RASGRP1: variants seen among roughly 807,000 people sequenced by gnomAD.
RASGRP1 encodes RAS guanyl-releasing protein 1.
In RASGRP1, 37 loss-of-function variants were observed where a neutral mutation model predicts 95.1. That is an observed-to-expected ratio of 0.39 (90% CI 0.30 to 0.51). The LOEUF is 0.51. RASGRP1 is among the 20% of genes least tolerant of loss of function. The pLI, the probability that RASGRP1 is intolerant of heterozygous loss-of-function variation, is 0.80. For missense variants in RASGRP1, 711 were observed against 965.4 expected, an observed-to-expected ratio of 0.74 and a Z score of 3.49; for synonymous variants, 325 against 353.4, an observed-to-expected ratio of 0.92 and a Z score of 0.90.
At chr15:38,505,221 C>G (rs976946843) in intron 10 of RASGRP1, among the ~76,000 whole-genome samples, 4 of 151,358 alleles carry the variant, frequency 2.6e-5, no homozygotes, top group Admixed American at 2.6e-4. Flanking sequence ...TTTTACTTGC[C>G]TGTGGGAGGG....
intron 3 of RASGRP1, among the ~76,000 whole-genome samples, chr15:38,523,475 AAATT>A (rs1892075635): frequency 6.6e-6 from 1 of 152,240 alleles, no homozygotes; most frequent in Admixed American, 6.5e-5. Flanking sequence ...AAAGTTTTAA[AAATT>A]AAGTTTATAA....
At position 38,564,808 on chromosome 15, in the gene RASGRP1, C is replaced by G; in HGVS notation, c.-180G>C. On this transcript the variant is annotated 5_prime_UTR_variant, in exon 1 of 17. Coordinates refer to ENST00000310803, the MANE Select transcript of RASGRP1 (RefSeq NM_005739.4). ...GTGCACCGCAGGCACAAACTTTGTGCGAGCGCGCCCCCTCTGCCTCGCGCG... is the reference window on the plus strand; with the variant it reads ...GTGCACCGCAGGCACAAACTTTGTGGGAGCGCGCCCCCTCTGCCTCGCGCG... 1 of 347,914 alleles carries G rather than the reference C, an allele frequency of 2.9e-6. No homozygotes were observed. 21.6% of individuals were successfully genotyped at this position (347,914 alleles called of 1,614,324 possible). A position where few individuals can be genotyped will look rare whatever the true frequency, so the allele number is the denominator to read the frequency against.
chr15:38,490,323 T>C lies in RASGRP1; in HGVS notation c.*231A>G. 2.7e-6 allele frequency: 1 copy of C among 364,466 alleles called. No homozygotes were observed. The highest frequency in any genetic ancestry group is 4.8e-6 in the Non-Finnish European group (1 of 206,762). The allele number at this position is 364,466 out of a possible 1,614,324, so 22.6% of individuals were successfully genotyped here. ...ATACTTTTGATGAACATCAGTGGTA[T>C]GAATAGCAAAAGTTTTGCATTCTTT... is the stretch of plus-strand genomic sequence containing the variant. On this transcript the variant is annotated 3_prime_UTR_variant, in exon 17 of 17. Coordinates refer to ENST00000310803, the MANE Select transcript of RASGRP1 (RefSeq NM_005739.4).
At chr15:38,525,827 A>G (rs1892198868) in intron 3 of RASGRP1, among the ~76,000 whole-genome samples, 1 of 152,162 alleles carries the variant, frequency 6.6e-6, no homozygotes, top group Non-Finnish European at 1.5e-5. Flanking sequence ...CTTGGCACAT[A>G]GTCAGTCCTC....
chr15:38,518,954 G>A (rs1891893085), intron 4 of RASGRP1, among the ~76,000 whole-genome samples: 1 of 151,968 alleles, frequency 6.6e-6, no homozygotes, highest in Non-Finnish European at 1.5e-5. Context: ...ACCAAAATAG[G>A]TAACTGGATA....
At chr15:38,516,509 C>A (rs1471144409) in intron 5 of RASGRP1, among the ~76,000 whole-genome samples, 159 bp from the exon 6 acceptor site, 6 of 152,138 alleles carry the variant, frequency 3.9e-5, no homozygotes, top group African/African-American at 1.4e-4. Flanking sequence ...TTCTCCAAAT[C>A]AGTTTTTTTC....
At chr15:38,547,939 C>A (rs1373020153) in intron 2 of RASGRP1, among the ~76,000 whole-genome samples, 1 of 151,256 alleles carries the variant, frequency 6.6e-6, no homozygotes, top group Non-Finnish European at 1.5e-5. Flanking sequence ...CAACTCCCGC[C>A]TCTGACAGTA....
Position 38,498,718 on chromosome 15 carries a change from A to C in RASGRP1, c.1873+76T>G. On this transcript the variant is annotated intron_variant, in intron 15 of 16. Coordinates refer to ENST00000310803, the MANE Select transcript of RASGRP1 (RefSeq NM_005739.4). Reference sequence around the variant, plus strand: ...ATTTAAACTCAAACACAGAGTCATGAGGTAATCTTTCCGTCTCTAAAACTT... The same window carrying C: ...ATTTAAACTCAAACACAGAGTCATGCGGTAATCTTTCCGTCTCTAAAACTT... 4 of 1,531,120 alleles carry C rather than the reference A, an allele frequency of 2.6e-6. No individual in the cohort carries two copies. In the South Asian group the frequency reaches 4.9e-5, roughly 19 times the overall value. The allele number at this position is 1,531,120 out of a possible 1,614,324, so 94.8% of individuals were successfully genotyped here.
At chr15:38,491,019 T>G (rs1890556524) in intron 16 of RASGRP1, among the ~76,000 whole-genome samples, 1 of 152,212 alleles carries the variant, frequency 6.6e-6, no homozygotes, top group Non-Finnish European at 1.5e-5. Context: ...CAGTCTCTGG[T>G]CAGGTCTGAG....
At chr15:38,538,982 T>G (rs1026180139) in intron 2 of RASGRP1, among the ~76,000 whole-genome samples, 1 of 152,194 alleles carries the variant, frequency 6.6e-6, no homozygotes, top group African/African-American at 2.4e-5. Flanking sequence ...ATTAGCGTTT[T>G]ATGAATGACC....
chr15:38,564,761 G>C lies in RASGRP1; in HGVS notation c.-133C>G. On this transcript the variant is annotated 5_prime_UTR_variant, in exon 1 of 17. Transcript: ENST00000310803. ...GTAGCCCCGGCGCCCGCCAGCCCTC[G>C]AGCCCGGCGAGCCCGACCGAGGTGC... 4 of 670,240 alleles carry C rather than the reference G, an allele frequency of 6.0e-6. No homozygotes were observed. The highest frequency in any genetic ancestry group is 7.8e-6 in the Non-Finnish European group (4 of 511,078). The allele number at this position is 670,240 out of a possible 1,614,324, so 41.5% of individuals were successfully genotyped here.
chr15:38,559,214 G>T (rs1893705283), intron 2 of RASGRP1, among the ~76,000 whole-genome samples: 1 of 152,252 alleles, frequency 6.6e-6, no homozygotes, highest in East Asian at 1.9e-4. Context: ...GCTGCACTAA[G>T]CTGTGCCTCC....
chr15:38,557,629 G>GTATATA (rs1555405016), intron 2 of RASGRP1, among the ~76,000 whole-genome samples: 2,075 of 147,392 alleles, frequency 0.014, 48 homozygotes, highest in African/African-American at 0.05. Flanking sequence ...GTGTGTGTGT[G>GTATATA]TATATATATA....
chr15:38,534,431 A>G (rs1005806537), intron 2 of RASGRP1: 24 of 152,320 alleles, frequency 1.6e-4, no homozygotes, highest in African/African-American at 5.8e-4. Context: ...ATTTCTTGTC[A>G]TATTATGGTG....
chr15:38,537,088 G>C (rs1183867167), intron 2 of RASGRP1, among the ~76,000 whole-genome samples: 1 of 151,292 alleles, frequency 6.6e-6, no homozygotes, highest in East Asian at 1.9e-4. Context: ...ATTCCAGACT[G>C]GAACCATGAT....
intron 15 of RASGRP1, among the ~76,000 whole-genome samples, chr15:38,495,738 T>C (rs1456698333): frequency 6.6e-6 from 1 of 152,208 alleles, no homozygotes; most frequent in Non-Finnish European, 1.5e-5. Context: ...ATTTAAGTGC[T>C]CAAATATTTA....
chr15:38,521,424 G>A (rs1162276018), intron 3 of RASGRP1, among the ~76,000 whole-genome samples: 1 of 152,192 alleles, frequency 6.6e-6, no homozygotes, highest in African/African-American at 2.4e-5. Flanking sequence ...TTCTGACAGT[G>A]CACGTTGGCT....
intron 1 of RASGRP1, among the ~76,000 whole-genome samples, chr15:38,563,002 G>T (rs371140237): frequency 5.7e-4 from 87 of 152,260 alleles, no homozygotes; most frequent in African/African-American, 2.0e-3. Flanking sequence ...GAGACTCAGA[G>T]GACTAGGCCA....
At chr15:38,504,039 AT>A (rs937629677) in intron 10 of RASGRP1, 1 of 152,320 alleles carries the variant, frequency 6.6e-6, no homozygotes, top group Admixed American at 6.5e-5. Context: ...TAATGATGGT[AT>A]TTGTGTATCT....
Sources: gnomAD v4.1 joint callset for allele counts (sites outside exome capture counted in the v4.1 genomes callset) on GRCh38, gnomAD v4.1.1 for gene constraint, MANE v1.5 for transcripts, NCBI Gene and HGNC (gene_info 2026-07-23, HGNC 2026-07-21) for gene names.